AFG1L: variants seen among roughly 807,000 people sequenced by gnomAD.
AFG1L encodes AFG1-like ATPase.
Under a neutral mutation model 62.2 loss-of-function variants are expected in AFG1L, and 53 were observed. That is an observed-to-expected ratio of 0.85 (90% CI 0.68 to 1.07). The LOEUF is 1.07. AFG1L is among the 50% of genes least tolerant of loss of function. The pLI is 0.00. For missense variants in AFG1L, 555 were observed against 590.5 expected (o/e 0.94, Z 0.62); for synonymous variants, 228 against 210.3 (o/e 1.08, Z -0.73).
chr6:108,407,983 G>A (rs775477006), intron 7 of AFG1L, among the ~76,000 whole-genome samples: 14 of 152,084 alleles, frequency 9.2e-5, no homozygotes, highest in Non-Finnish European at 1.9e-4. Flanking sequence ...CTATTTTCCT[G>A]CTTCTTTGCA....
intron 8 of AFG1L, among the ~76,000 whole-genome samples, chr6:108,461,355 T>TAAAG (rs1214418189): frequency 6.6e-6 from 1 of 152,212 alleles, no homozygotes; most frequent in Middle Eastern, 3.2e-3. Flanking sequence ...TATGAATGAG[T>TAAAG]AAAGCCCTGT....
intron 8 of AFG1L, among the ~76,000 whole-genome samples, chr6:108,451,809 C>T (rs1446788268): frequency 6.6e-6 from 1 of 152,022 alleles, no homozygotes. Flanking sequence ...ACCTCTGCTT[C>T]CCGGGTTCAA....
chr6:108,409,886 A>C (rs976497471), intron 7 of AFG1L, among the ~76,000 whole-genome samples: 1 of 152,238 alleles, frequency 6.6e-6, no homozygotes, highest in Non-Finnish European at 1.5e-5. Flanking sequence ...CACATAACTC[A>C]TATTTCTAAA....
At chr6:108,322,082 A>G (rs1298510230) in intron 1 of AFG1L, among the ~76,000 whole-genome samples, 1 of 152,036 alleles carries the variant, frequency 6.6e-6, no homozygotes, top group African/African-American at 2.4e-5. Context: ...TAAATTTGTT[A>G]TTTTTAGTAG....
chr6:108,303,119 C>G (rs1313659976), intron 1 of AFG1L, among the ~76,000 whole-genome samples: 1 of 152,116 alleles, frequency 6.6e-6, no homozygotes, highest in East Asian at 1.9e-4. Context: ...GCCACGTTGG[C>G]CAGGCTGGTC....
At chr6:108,325,687 T>A (rs1472734571) in intron 2 of AFG1L, among the ~76,000 whole-genome samples, 5 of 152,016 alleles carry the variant, frequency 3.3e-5, no homozygotes, top group African/African-American at 1.2e-4. Flanking sequence ...GGTTTCACCA[T>A]GTTTGTCAGG....
chr6:108,522,034 C>T (rs1326798973), intron 12 of AFG1L: 5 of 251,360 alleles, frequency 2.0e-5, no homozygotes, highest in East Asian at 8.7e-5. Flanking sequence ...TTTTTTTTGC[C>T]ATTACTTATT....
intron 10 of AFG1L, among the ~76,000 whole-genome samples, chr6:108,485,298 A>C (rs1429161061): frequency 1.3e-5 from 2 of 152,084 alleles, no homozygotes; most frequent in Non-Finnish European, 2.9e-5. Flanking sequence ...TTCTGTGAAT[A>C]TATTTATGTC....
In AFG1L at chr6:108,348,047, AT is replaced by A. The variant is rs548861983; in HGVS notation, c.415+1010del. Among the ~76,000 whole-genome samples the A allele has an allele frequency of 4.6e-4, 70 of 152,140 alleles. 1 individual carries two copies. The highest frequency in any genetic ancestry group is 1.6e-3 in the African/African-American group (68 of 41,500). On this transcript the variant is annotated intron_variant, in intron 3 of 12. Coordinates refer to ENST00000368977, the MANE Select transcript of AFG1L (RefSeq NM_145315.5). Reference sequence around the variant, plus strand: ...TTTTAGGAAAAGAAAAAAAAAGGGCATTGAATAAGTAGGTTTTGTTTTGTTT... The same window carrying A: ...TTTTAGGAAAAGAAAAAAAAAGGGCATGAATAAGTAGGTTTTGTTTTGTTT...
chr6:108,512,067 T>C (rs891691006), intron 11 of AFG1L, among the ~76,000 whole-genome samples: 1 of 152,176 alleles, frequency 6.6e-6, no homozygotes, highest in South Asian at 2.1e-4. Context: ...GGCAGAACCA[T>C]GTGGCCTACT....
At chr6:108,473,702 C>T (rs1390165752) in intron 8 of AFG1L, among the ~76,000 whole-genome samples, 3 of 152,130 alleles carry the variant, frequency 2.0e-5, no homozygotes, top group African/African-American at 7.2e-5. Context: ...GGATTGCAGG[C>T]GCATGCCACC....
In AFG1L at chr6:108,482,464, C is replaced by T. The variant is rs548318638; in HGVS notation, c.1062+5172C>T. 1.1e-4 allele frequency among the ~76,000 whole-genome samples: 17 copies of T among 152,208 alleles called. No homozygotes were observed. The East Asian group carries it at 2.9e-3, about 26-fold the overall frequency. On this transcript the variant is annotated intron_variant, in intron 10 of 12. Transcript: ENST00000368977. ...CTAATCTAGTTTCCCCTATTAACAT[C>T]TTACATTCATATGGTATATCTGTTA...
intron 2 of AFG1L, among the ~76,000 whole-genome samples, chr6:108,334,928 G>C (rs916242793): frequency 6.6e-6 from 1 of 151,852 alleles, no homozygotes; most frequent in Non-Finnish European, 1.5e-5. Flanking sequence ...CCATCCTTTC[G>C]TTATGGCTCA....
chr6:108,404,679 T>C (rs1322076023), intron 7 of AFG1L, among the ~76,000 whole-genome samples: 1 of 152,140 alleles, frequency 6.6e-6, no homozygotes, highest in Non-Finnish European at 1.5e-5. Context: ...CTTACATATT[T>C]GGAGGCTATG....
intron 7 of AFG1L, among the ~76,000 whole-genome samples, chr6:108,442,239 A>G (rs1771585901): frequency 6.6e-6 from 1 of 151,962 alleles, no homozygotes; most frequent in Admixed American, 6.6e-5. Context: ...AGCAGGAACA[A>G]GGGAAAGAAA....
In AFG1L at chr6:108,376,458, A is replaced by G. The variant is rs1780251869; in HGVS notation, c.748+10126A>G. Among the ~76,000 whole-genome samples, 4 of 151,020 alleles carry G rather than the reference A, an allele frequency of 2.6e-5. 1 individual carries two copies. The South Asian group carries it at 6.3e-4, about 24-fold the overall frequency. ...TGCTATATCGCAGAGATTTTGGGAT[A>G]TTGTGTCTTTGTTTTTATTTATTTC... On this transcript the variant is annotated intron_variant, in intron 6 of 12. Transcript: ENST00000368977.
intron 10 of AFG1L, among the ~76,000 whole-genome samples, chr6:108,497,549 A>G (rs1207828715): frequency 4.6e-5 from 7 of 151,832 alleles, no homozygotes; most frequent in Admixed American, 1.3e-4. Flanking sequence ...GATTGGGTCC[A>G]TGTCTTGTAT....
intron 5 of AFG1L, among the ~76,000 whole-genome samples, chr6:108,364,413 A>G (rs77226081): frequency 0.042 from 6,396 of 152,318 alleles, 215 homozygotes; most frequent in Admixed American, 0.1. Flanking sequence ...GCTTTCTTCA[A>G]CTTTCAGTTT....
intron 8 of AFG1L, among the ~76,000 whole-genome samples, chr6:108,473,109 T>C (rs556571430): frequency 6.6e-6 from 1 of 152,184 alleles, no homozygotes; most frequent in Non-Finnish European, 1.5e-5. Flanking sequence ...ATTACACCAA[T>C]AAAATTTTTT....
Sources: allele counts gnomAD v4.1 joint callset (sites outside exome capture counted in the v4.1 genomes callset), GRCh38; gene constraint gnomAD v4.1.1; transcripts MANE v1.5; gene names NCBI Gene and HGNC (gene_info 2026-07-23, HGNC 2026-07-21).